The following AKR1C3 variants were observed in gnomAD, a reference collection of about 807,000 sequenced individuals.
AKR1C3 encodes aldo-keto reductase family 1 member C3.
A neutral mutation model predicts 43.6 loss-of-function variants in AKR1C3; 48 were observed. The ratio of observed to expected loss-of-function variants is 1.10; its 90% CI spans 0.87 to 1.40. The LOEUF (loss-of-function observed/expected upper bound fraction) is 1.40, where lower values mean the gene tolerates loss of function less well. Among genes scored for constraint, AKR1C3 ranks in the 40% most tolerant of loss-of-function variants. The pLI is 0.00. For missense variants in AKR1C3, 482 were observed against 391.2 expected (o/e 1.23, Z -1.96); for synonymous variants, 162 against 139.6 (o/e 1.16, Z -1.13).
chr10:5,097,868 G>T (rs1055860037), intron 3 of AKR1C3: 7 of 1,134,576 alleles, frequency 6.2e-6, no homozygotes, highest in Non-Finnish European at 7.6e-6. Context: ...CAGACACAGA[G>T]TTTCATGCAG....
chr10:5,099,832 A>G (rs782540086), intron 5 of AKR1C3: 5 of 209,500 alleles, frequency 2.4e-5, no homozygotes, highest in Non-Finnish European at 4.9e-5. Flanking sequence ...AAAAGATGAA[A>G]TGAGCTGTAC....
chr10:5,066,628 C>T (rs1838508907), intron 1 of AKR1C3, among the ~76,000 whole-genome samples: 1 of 152,088 alleles, frequency 6.6e-6, no homozygotes, highest in Admixed American at 6.6e-5. Flanking sequence ...TGGTGCTCAT[C>T]GAAGGTCCCC....
chr10:5,062,011 A>G (rs1937838), intron 1 of AKR1C3, among the ~76,000 whole-genome samples: 83,064 of 152,062 alleles, frequency 0.55, 23,274 homozygotes, highest in East Asian at 0.79. Flanking sequence ...AAACTTTAGT[A>G]AATGTTAGGA....
chr10:5,051,688 G>T (rs941314018), intron 1 of AKR1C3, among the ~76,000 whole-genome samples: 1 of 152,182 alleles, frequency 6.6e-6, no homozygotes, highest in Admixed American at 6.5e-5. Context: ...AGGACTTTGC[G>T]TGAGTTCTAC....
chr10:5,064,139 T>A (rs1554780568), intron 1 of AKR1C3, among the ~76,000 whole-genome samples: 1 of 152,200 alleles, frequency 6.6e-6, no homozygotes, highest in Admixed American at 6.5e-5. Context: ...TTAACTATAG[T>A]TCTCTTACTA....
At chr10:5,054,766 G>C (rs887936878) in intron 1 of AKR1C3, among the ~76,000 whole-genome samples, 5 of 151,628 alleles carry the variant, frequency 3.3e-5, no homozygotes, top group Non-Finnish European at 7.4e-5. Flanking sequence ...CCCTGTTTCT[G>C]TCTCTGTCTC....
chr10:5,095,785 T>A (rs1839192103), intron 1 of AKR1C3, among the ~76,000 whole-genome samples: 3 of 152,092 alleles, frequency 2.0e-5, no homozygotes, highest in Non-Finnish European at 4.4e-5. Flanking sequence ...CAAATCGATA[T>A]CCTCAGAGTA....
At chr10:5,100,576 A>T (rs548099781) in intron 5 of AKR1C3, among the ~76,000 whole-genome samples, 1 of 152,314 alleles carries the variant, frequency 6.6e-6, no homozygotes, top group Non-Finnish European at 1.5e-5. Context: ...TCACAAAAAA[A>T]TTCAAAATTA....
chr10:5,085,804 G>A (rs1554783012), intron 1 of AKR1C3, among the ~76,000 whole-genome samples: 2 of 151,802 alleles, frequency 1.3e-5, no homozygotes, highest in South Asian at 2.1e-4. Flanking sequence ...TTAGTCTTGG[G>A]AGGATGTATG....
chr10:5,062,202 C>T (rs72549193), intron 1 of AKR1C3, among the ~76,000 whole-genome samples: 10 of 152,318 alleles, frequency 6.6e-5, no homozygotes, highest in African/African-American at 2.2e-4. Flanking sequence ...TTTCACTCAA[C>T]TGTTCTTACT....
chr10:5,053,536 A>G (rs1174138712), intron 1 of AKR1C3, among the ~76,000 whole-genome samples: 1 of 152,212 alleles, frequency 6.6e-6, no homozygotes, highest in Admixed American at 6.5e-5. Context: ...GCCAGCCCAG[A>G]AAGGGGCTCC....
chr10:5,080,882 A>G (rs1462777895), intron 1 of AKR1C3: 8 of 152,202 alleles, frequency 5.3e-5, no homozygotes, highest in African/African-American at 1.9e-4. Flanking sequence ...TGAATGATCA[A>G]ATGACGGCCA....
chr10:5,084,461 A>G (rs4880706), intron 1 of AKR1C3, among the ~76,000 whole-genome samples: 150,162 of 150,796 alleles, frequency 1, 74,768 homozygotes, highest in East Asian at 1. Context: ...CCAGTACCAT[A>G]CTGTTTTGGT....
intron 1 of AKR1C3, among the ~76,000 whole-genome samples, chr10:5,061,176 G>C (rs998917352): frequency 6.6e-6 from 1 of 152,220 alleles, no homozygotes; most frequent in Non-Finnish European, 1.5e-5. Context: ...AGCGAGGACT[G>C]CAAGGGCTGC....
chr10:5,077,872 C>T lies in AKR1C3; in HGVS notation c.85-18538C>T, dbSNP rs184594447. ...TTCTCGGAGTTATTTCTAAACAGAA[C>T]TAAGATCAGAATTCTTTGAATCATC... On this transcript the variant is annotated intron_variant, in intron 1 of 8. Coordinates refer to the AKR1C3 transcript ENST00000439082. 2.8e-3 allele frequency: 1,617 copies of T among 581,414 alleles called. 5 individuals carry two copies. Among genetic ancestry groups the T allele is most frequent in the Non-Finnish European group, 3.7e-3 (1,251 of 337,418 alleles). 36.0% of individuals were successfully genotyped at this position (581,414 alleles called of 1,614,324 possible).
chr10:5,105,678 G>C lies in AKR1C3; in HGVS notation c.929+1G>C. 1 of 1,610,400 alleles carries C rather than the reference G, an allele frequency of 6.2e-7. No homozygotes were observed. Among genetic ancestry groups the C allele is most frequent in the South Asian group, 1.1e-5 (1 of 90,806 alleles). ...ATCTCCACTATTTTAACAGTGATAG[G>C]TAAGTTTCCTTTGTAAATGGGTGAT... is the stretch of plus-strand genomic sequence containing the variant. On this transcript the variant is annotated splice_donor_variant, in intron 8 of 8. Coordinates refer to ENST00000380554, the MANE Select transcript of AKR1C3 (RefSeq NM_003739.6). LOFTEE classifies it high-confidence loss of function.
Position 5,058,785 on chromosome 10 carries a change from C to T in AKR1C3, c.84+9890C>T, listed in dbSNP as rs185771868. On this transcript the variant is annotated intron_variant, in intron 1 of 8. Coordinates refer to the AKR1C3 transcript ENST00000439082. ...GGTTGGATTTAGTGGCTCTTATCGACACATTCTCGAAAACCTGCACCCTTG... is the reference window on the plus strand; with the variant it reads ...GGTTGGATTTAGTGGCTCTTATCGATACATTCTCGAAAACCTGCACCCTTG... 3.2e-3 allele frequency among the ~76,000 whole-genome samples: 485 copies of T among 152,280 alleles called. 3 individuals carry two copies. Among genetic ancestry groups the T allele is most frequent in the Middle Eastern group, 6.8e-3 (2 of 294 alleles).
chr10:5,060,224 C>T (rs1838353067), intron 1 of AKR1C3, among the ~76,000 whole-genome samples: 1 of 152,094 alleles, frequency 6.6e-6, no homozygotes, highest in Non-Finnish European at 1.5e-5. Context: ...ACAAAGCTTC[C>T]ACAGTGTGGA....
chr10:5,072,363 G>A (rs1158346306), intron 1 of AKR1C3, among the ~76,000 whole-genome samples: 2 of 152,188 alleles, frequency 1.3e-5, no homozygotes, highest in Non-Finnish European at 2.9e-5. Flanking sequence ...AAATGTAAGG[G>A]TCATTTGTAA....
Sources: gnomAD v4.1 joint callset for allele counts (sites outside exome capture counted in the v4.1 genomes callset) on GRCh38, gnomAD v4.1.1 for gene constraint, MANE v1.5 for transcripts, NCBI Gene and HGNC (gene_info 2026-07-23, HGNC 2026-07-21) for gene names.